Variants in ARPC4 observed in about 807,000 individuals in gnomAD.
ARPC4 encodes the protein actin-related protein 2/3 complex subunit 4.
In ARPC4, 3 loss-of-function variants were observed where a neutral mutation model predicts 22.8. The observed-to-expected ratio is 0.13, with a 90% confidence interval of 0.06 to 0.34. ARPC4 has a LOEUF of 0.34. Among genes scored for constraint, ARPC4 ranks in the 10% least tolerant of loss-of-function variants. The pLI is 1.00. For missense variants in ARPC4, 98 were observed against 211.0 expected, an observed-to-expected ratio of 0.46 and a Z score of 3.32; for synonymous variants, 80 against 72.5, an observed-to-expected ratio of 1.10 and a Z score of -0.52.
intron 5 of ARPC4, among the ~76,000 whole-genome samples, chr3:9,804,749 C>G (rs1273427304): frequency 2.0e-5 from 3 of 152,176 alleles, no homozygotes; most frequent in African/African-American, 4.8e-5. Context: ...CCAGAAGGAG[C>G]TCAGATTCCT....
At chr3:9,795,659 G>A (rs367650032) in intron 1 of ARPC4, among the ~76,000 whole-genome samples, 4 of 152,022 alleles carry the variant, frequency 2.6e-5, no homozygotes, top group African/African-American at 7.3e-5. Context: ...TATTTCTTTC[G>A]CTTATTTATT....
At chr3:9,803,240 G>T (rs889102183) in intron 4 of ARPC4, among the ~76,000 whole-genome samples, 3 of 152,336 alleles carry the variant, frequency 2.0e-5, no homozygotes, top group African/African-American at 7.2e-5. Context: ...GCCTGAATTT[G>T]TACTTGAATC....
intron 1 of ARPC4, among the ~76,000 whole-genome samples, chr3:9,796,180 G>A (rs2078880664): frequency 6.6e-6 from 1 of 152,008 alleles, no homozygotes; most frequent in South Asian, 2.1e-4. Context: ...GATTGCCTGA[G>A]GTCAGGATTT....
chr3:9,806,514 G>GT lies in ARPC4; in HGVS notation c.*300dup. On this transcript the variant is annotated 3_prime_UTR_variant, in exon 6 of 6. Transcript: ENST00000397261. ...GCTTGTAGGATACTGTAACCTTTTTGTCTTTTTTTTTTTTTTTTTTTTTAA... is the reference window on the plus strand; with the variant it reads ...GCTTGTAGGATACTGTAACCTTTTTGTTCTTTTTTTTTTTTTTTTTTTTTAA... 6 of 309,668 alleles carry GT rather than the reference G, an allele frequency of 1.9e-5. No homozygotes were observed. Among genetic ancestry groups the GT allele is most frequent in the South Asian group, 1.4e-4 (3 of 21,750 alleles). 19.2% of individuals were successfully genotyped at this position (309,668 alleles called of 1,614,324 possible).
intron 1 of ARPC4, among the ~76,000 whole-genome samples, chr3:9,796,940 C>CAAA (rs374104136): frequency 0.15 from 17,301 of 114,308 alleles, 1,616 homozygotes; most frequent in African/African-American, 0.2. Context: ...GACTCTGTCT[C>CAAA]AAAAAAAAAA....
Position 9,797,695 on chromosome 3 carries a change from G to A in ARPC4, c.40G>A (p.Ala14Thr). The A allele has an allele frequency of 2.5e-6, 4 of 1,614,164 alleles. No individual in the cohort carries two copies. Among genetic ancestry groups the A allele is most frequent in the Non-Finnish European group, 3.4e-6 (4 of 1,180,018 alleles). Residue 14 changes from alanine to threonine, a missense_variant, in exon 2 of 6, where the codon GCC becomes ACC. Coordinates refer to ENST00000397261, the MANE Select transcript of ARPC4 (RefSeq NM_005718.5). ...CCGCCCCTACCTGAGTGCCGTGCGG[G>A]CCACATTGCAGGCTGCCCTCTGCCT... ...TLRPYLSAVR[A>T]TLQAALCLEN...
In ARPC4 at chr3:9,794,776, C is replaced by G. The variant is rs372448799; in HGVS notation, c.3+1652C>G. Among the ~76,000 whole-genome samples, 26 of 152,226 alleles carry G rather than the reference C, an allele frequency of 1.7e-4. No individual in the cohort carries two copies. In the South Asian group the frequency reaches 5.2e-3, roughly 30 times the overall value. ...AAGTTCCCTCAAGCCCTTTTGTAAT[C>G]AGTCCTCTCCTTCCCACCCCAGACA... On this transcript the variant is annotated intron_variant, in intron 1 of 5. Transcript: ENST00000397261.
intron 2 of ARPC4, among the ~76,000 whole-genome samples, chr3:9,799,721 G>A (rs1175097887): frequency 6.6e-6 from 1 of 152,206 alleles, no homozygotes; most frequent in Admixed American, 6.5e-5. Flanking sequence ...GGGATTACAG[G>A]CATGAGCCAC....
At chr3:9,804,154 TC>T (rs1438646917) in intron 5 of ARPC4, 141 bp downstream of exon 5, 1 of 891,498 alleles carries the variant, frequency 1.1e-6, no homozygotes, top group African/African-American at 1.7e-5. Context: ...GCACAGCAGG[TC>T]AGTCAGGTGC....
Position 9,798,002 on chromosome 3 carries a change from G to A in ARPC4, c.122+225G>A, listed in dbSNP as rs1027224270. On this transcript the variant is annotated intron_variant, in intron 2 of 5. Coordinates refer to ENST00000397261, the MANE Select transcript of ARPC4 (RefSeq NM_005718.5). ...GAAAAGACAAGATTGGTTAACACAA[G>A]GTATGACTTCTCAGAGCAGGGCTGT... The A allele has an allele frequency of 9.4e-6, 5 of 529,420 alleles. No homozygotes were observed. The Admixed American group carries it at 1.4e-4, about 15-fold the overall frequency. The allele number at this position is 529,420 out of a possible 1,614,324, so 32.8% of individuals were successfully genotyped here. A position where few individuals can be genotyped will look rare whatever the true frequency, so the allele number is the denominator to read the frequency against.
chr3:9,797,870 G>A, intron 2 of ARPC4, 93 bp downstream of exon 2: 2 of 1,278,978 alleles, frequency 1.6e-6, no homozygotes, highest in Non-Finnish European at 1.1e-6. Context: ...TCCTGCAGTA[G>A]TCAGGAAAGC....
At chr3:9,800,367 C>A (rs2078982768) in intron 3 of ARPC4, 71 bp downstream of exon 3, 1 of 1,484,304 alleles carries the variant, frequency 6.7e-7, no homozygotes, top group African/African-American at 1.4e-5. Flanking sequence ...AGTCCGGGGT[C>A]CCCATCTGAG....
intron 2 of ARPC4, among the ~76,000 whole-genome samples, chr3:9,799,023 G>C (rs1184683255): frequency 6.6e-6 from 1 of 152,152 alleles, no homozygotes. Flanking sequence ...CTGTTATACT[G>C]TGTAACGTAC....
At chr3:9,794,861 C>T (rs1387400063) in intron 1 of ARPC4, among the ~76,000 whole-genome samples, 1 of 152,080 alleles carries the variant, frequency 6.6e-6, no homozygotes, top group South Asian at 2.1e-4. Context: ...AAATGGAATT[C>T]TTTAGTATGC....
rs11924160 is a variant in ARPC4, at chr3:9,794,333, A to G, written c.3+1209A>G. On this transcript the variant is annotated intron_variant, in intron 1 of 5. Transcript: ENST00000397261. Reference sequence around the variant, plus strand: ...GCTAACACGGTGAAACCTCTTCTCTACTAAAAATGCAAAAAATTAGCCGGG... The same window carrying G: ...GCTAACACGGTGAAACCTCTTCTCTGCTAAAAATGCAAAAAATTAGCCGGG... Among the ~76,000 whole-genome samples, 325 of 152,172 alleles carry G rather than the reference A, an allele frequency of 2.1e-3. 3 individuals carry two copies. Among genetic ancestry groups the G allele is most frequent in the African/African-American group, 7.7e-3 (318 of 41,532 alleles).
chr3:9,803,710 A>G, intron 4 of ARPC4, 133 bp from the exon 5 acceptor site: 1 of 1,015,878 alleles, frequency 9.8e-7, no homozygotes, highest in Non-Finnish European at 1.5e-6. Context: ...CTGGAAGGGT[A>G]TGTAGCTTGG....
intron 1 of ARPC4, among the ~76,000 whole-genome samples, chr3:9,794,812 T>C (rs1233484388): frequency 6.6e-6 from 1 of 152,204 alleles, no homozygotes; most frequent in Non-Finnish European, 1.5e-5. Context: ...ACTACTGATT[T>C]TTCCCCCCTG....
At position 9,806,554 on chromosome 3, in the gene ARPC4, T is replaced by G. The variant is rs191227373; in HGVS notation, c.*339T>G. 8.0e-6 allele frequency: 3 copies of G among 373,344 alleles called. No individual in the cohort carries two copies. Among genetic ancestry groups the G allele is most frequent in the African/African-American group, 4.4e-5 (2 of 45,534 alleles). 23.1% of individuals were successfully genotyped at this position (373,344 alleles called of 1,614,324 possible). ...TTTTTTTTTAAACCTCCACCTCCAG[T>G]GGCTGTGACTGGTCCCAGTGATTAT... On this transcript the variant is annotated 3_prime_UTR_variant, in exon 6 of 6. Transcript: ENST00000397261.
chr3:9,799,644 T>C (rs955521129), intron 2 of ARPC4, among the ~76,000 whole-genome samples: 2 of 152,168 alleles, frequency 1.3e-5, no homozygotes, highest in African/African-American at 4.8e-5. Flanking sequence ...GATATCACCA[T>C]GTTGGCCAGG....
Sources: allele counts gnomAD v4.1 joint callset (sites outside exome capture counted in the v4.1 genomes callset), GRCh38; gene constraint gnomAD v4.1.1; transcripts MANE v1.5; gene names NCBI Gene and HGNC (gene_info 2026-07-23, HGNC 2026-07-21).